MYO3B: variants seen among roughly 807,000 people sequenced by gnomAD.
MYO3B encodes the protein myosin IIIB, also known as myosin-IIIb.
MYO3B carries 156 observed loss-of-function variants against 174.6 expected under a neutral mutation model. The ratio of observed to expected loss-of-function variants is 0.89; its 90% confidence interval spans 0.78 to 1.02. The LOEUF (loss-of-function observed/expected upper bound fraction) is 1.02, where lower values mean the gene tolerates loss of function less well. Ranked by LOEUF, MYO3B falls within the 50% of genes least tolerant of loss-of-function variation. MYO3B has a pLI of 0.00. For missense variants in MYO3B, 1,632 were observed against 1,639.4 expected (o/e 1.00, Z 0.08); for synonymous variants, 563 against 569.1 (o/e 0.99, Z 0.15).
At position 170,463,476 on chromosome 2, in the gene MYO3B, T is replaced by C. The variant is rs146790030; in HGVS notation, c.2808+31T>C. 7.6e-5 allele frequency: 122 copies of C among 1,602,800 alleles called. No homozygotes were observed. The East Asian group carries it at 2.7e-3, about 36-fold the overall frequency. On this transcript the variant is annotated intron_variant, in intron 24 of 34. Transcript: ENST00000408978. ...GAGTCTTCTTGATCTCTATTCTGCC[T>C]GCTTCCAAAAAGGACTGTCTAAGCC...
rs112267405 is a variant in MYO3B at position 170,478,167 on chromosome 2, C to T, written c.3014+11456C>T. On this transcript the variant is annotated intron_variant, in intron 25 of 34. Coordinates refer to ENST00000408978, the MANE Select transcript of MYO3B (RefSeq NM_138995.5). ...ACCTGGGTCCCGTGACCATTCCTAG[C>T]TTCAGGGAGAGGCTTAGAAAGTGGA... 8.5e-3 allele frequency among the ~76,000 whole-genome samples: 1,288 copies of T among 152,184 alleles called. 16 individuals are homozygous for T. The highest frequency in any genetic ancestry group is 0.029 in the African/African-American group (1,221 of 41,514).
At chr2:170,501,083 G>A (rs963061148) in intron 27 of MYO3B, among the ~76,000 whole-genome samples, 5 of 21,480 alleles carry the variant, frequency 2.3e-4, no homozygotes, top group African/African-American at 2.7e-4. Context: ...ATGCTGAGAC[G>A]GGAGGAACAA....
intron 22 of MYO3B, among the ~76,000 whole-genome samples, chr2:170,423,576 C>T (rs2094635857): frequency 7.0e-6 from 1 of 142,018 alleles, no homozygotes. Flanking sequence ...TGCAGAGTTT[C>T]AGCAAAAGCT....
At chr2:170,379,687 T>A (rs1375844828) in intron 9 of MYO3B, among the ~76,000 whole-genome samples, 1 of 152,222 alleles carries the variant, frequency 6.6e-6, no homozygotes, top group Non-Finnish European at 1.5e-5. Flanking sequence ...CACCAATATG[T>A]AAAGTCACAG....
At chr2:170,222,577 G>A (rs1455485201) in intron 6 of MYO3B, among the ~76,000 whole-genome samples, 3 of 152,056 alleles carry the variant, frequency 2.0e-5, no homozygotes, top group Non-Finnish European at 2.9e-5. Context: ...TTGTAGTGCC[G>A]TGGTATTTTC....
At position 170,348,487 on chromosome 2, in the gene MYO3B, C is replaced by T. The variant is rs897472662; in HGVS notation, c.815+13037C>T. ...TGCTGACCTCAGGTGATCCTCCTAC[C>T]TCGGCCTCCCAAAGCGCTGGGATTA... On this transcript the variant is annotated intron_variant, in intron 8 of 34. Transcript: ENST00000408978. 4 of 152,348 alleles carry T rather than the reference C, an allele frequency of 2.6e-5. No individual in the cohort carries two copies. In the South Asian group the frequency reaches 8.3e-4, roughly 32 times the overall value. 9.4% of individuals were successfully genotyped at this position (152,348 alleles called of 1,614,324 possible).
intron 1 of MYO3B, among the ~76,000 whole-genome samples, chr2:170,190,260 C>T (rs1456250517): frequency 1.3e-5 from 2 of 152,140 alleles, no homozygotes; most frequent in East Asian, 3.9e-4. Context: ...CAGAAGTACC[C>T]CTATGGCCAC....
chr2:170,482,869 C>T (rs1164810442), intron 25 of MYO3B, among the ~76,000 whole-genome samples: 2 of 152,244 alleles, frequency 1.3e-5, no homozygotes, highest in African/African-American at 4.8e-5. Context: ...GTGACCACCT[C>T]TACTTATTCT....
At chr2:170,554,217 T>C (rs1232190045) in intron 32 of MYO3B, among the ~76,000 whole-genome samples, 1 of 152,250 alleles carries the variant, frequency 6.6e-6, no homozygotes, top group Non-Finnish European at 1.5e-5. Context: ...ACATCAGTTA[T>C]AGTCCTAGTA....
intron 32 of MYO3B, among the ~76,000 whole-genome samples, chr2:170,638,574 C>T (rs1312228600): frequency 6.6e-6 from 1 of 152,174 alleles, no homozygotes; most frequent in African/African-American, 2.4e-5. Context: ...GTTACAGCAT[C>T]TTAAAGTTGG....
chr2:170,629,511 C>G (rs1015883442), intron 32 of MYO3B, among the ~76,000 whole-genome samples: 1 of 151,996 alleles, frequency 6.6e-6, no homozygotes, highest in African/African-American at 2.4e-5. Flanking sequence ...CTTGTAATAC[C>G]TTTTTTATAT....
chr2:170,373,811 T>A (rs1354313572), intron 9 of MYO3B, among the ~76,000 whole-genome samples: 1 of 143,486 alleles, frequency 7.0e-6, no homozygotes, highest in Admixed American at 7.2e-5. Flanking sequence ...GTGAGGAAAT[T>A]CATGTTGAAT....
intron 25 of MYO3B, among the ~76,000 whole-genome samples, chr2:170,471,699 C>A (rs1310854850): frequency 6.6e-6 from 1 of 151,986 alleles, no homozygotes; most frequent in Admixed American, 6.6e-5. Flanking sequence ...TGTTGAAAAT[C>A]ACTTGACCAG....
chr2:170,420,114 G>T (rs2094605456), intron 22 of MYO3B, among the ~76,000 whole-genome samples: 1 of 152,076 alleles, frequency 6.6e-6, no homozygotes, highest in African/African-American at 2.4e-5. Flanking sequence ...ACAGGACCCG[G>T]GATGCGGAGG....
At chr2:170,527,967 A>T (rs1689108990) in intron 30 of MYO3B, among the ~76,000 whole-genome samples, 1 of 152,254 alleles carries the variant, frequency 6.6e-6, no homozygotes, top group Admixed American at 6.5e-5. Context: ...TGGACAAATG[A>T]ATATGTGCTC....
intron 32 of MYO3B, among the ~76,000 whole-genome samples, chr2:170,562,203 A>G (rs1446313751): frequency 6.6e-6 from 1 of 152,200 alleles, no homozygotes; most frequent in African/African-American, 2.4e-5. Context: ...CCACTGTTAC[A>G]TGCTCAGATA....
intron 22 of MYO3B, among the ~76,000 whole-genome samples, chr2:170,413,258 G>A (rs1411514009): frequency 6.6e-6 from 1 of 152,174 alleles, no homozygotes; most frequent in African/African-American, 2.4e-5. Flanking sequence ...TTTGTTTTTA[G>A]TAGAGACTAG....
chr2:170,231,438 A>G (rs1220468308), intron 6 of MYO3B, among the ~76,000 whole-genome samples: 2 of 152,242 alleles, frequency 1.3e-5, no homozygotes, highest in East Asian at 3.8e-4. Flanking sequence ...ACTGCTAGGT[A>G]AAATAGCTAT....
intron 32 of MYO3B, among the ~76,000 whole-genome samples, chr2:170,562,063 C>T (rs1317948123): frequency 6.6e-6 from 1 of 152,002 alleles, no homozygotes; most frequent in Non-Finnish European, 1.5e-5. Flanking sequence ...GGCCATTGCT[C>T]AATTTTTCAT....
Sources: allele counts gnomAD v4.1 joint callset (sites outside exome capture counted in the v4.1 genomes callset), GRCh38; gene constraint gnomAD v4.1.1; transcripts MANE v1.5; gene names NCBI Gene and HGNC (gene_info 2026-07-23, HGNC 2026-07-21).